DHRS3: variants seen among roughly 807,000 people sequenced by gnomAD.
The protein encoded by DHRS3 is short-chain dehydrogenase/reductase 3.
DHRS3 carries 14 observed loss-of-function variants against 27.2 expected under a neutral mutation model. The observed-to-expected ratio is 0.52, with a 90% CI of 0.34 to 0.81. The LOEUF (loss-of-function observed/expected upper bound fraction) is 0.81. Among genes scored for constraint, DHRS3 ranks in the 30% least tolerant of loss-of-function variants. The pLI, the probability that DHRS3 is intolerant of heterozygous loss-of-function variation, is 0.01. For missense variants in DHRS3, 322 were observed against 406.2 expected (o/e 0.79, Z 1.78); for synonymous variants, 165 against 175.9 (o/e 0.94, Z 0.49).
chr1:12,597,975 G>A (rs973927566), intron 1 of DHRS3, among the ~76,000 whole-genome samples: 7 of 152,188 alleles, frequency 4.6e-5, no homozygotes, highest in African/African-American at 1.7e-4. Flanking sequence ...GTGGGACCTC[G>A]TGCCAAGTCA....
rs533142642 is a variant in DHRS3, at chr1:12,570,245, C to T, written c.825-1821G>A. ...CTGGGCTCACCTTCAGGCTTCTCCTCGTACAACCGGAGTTCCGACGCTTCC... is the reference window on the plus strand; with the variant it reads ...CTGGGCTCACCTTCAGGCTTCTCCTTGTACAACCGGAGTTCCGACGCTTCC... On this transcript the variant is annotated intron_variant, in intron 5 of 5. Transcript: ENST00000616661. Among the ~76,000 whole-genome samples the T allele has an allele frequency of 3.9e-5, 6 of 152,298 alleles. No individual in the cohort carries two copies. In the South Asian group the frequency reaches 8.3e-4, roughly 21 times the overall value.
chr1:12,577,643 A>G (rs1262009694), intron 4 of DHRS3, among the ~76,000 whole-genome samples: 1 of 152,088 alleles, frequency 6.6e-6, no homozygotes, highest in Non-Finnish European at 1.5e-5. Flanking sequence ...TGGCCGACAT[A>G]GTGAAACCCC....
rs1646765465 is a variant in DHRS3 at position 12,593,741 on chromosome 1, C to T, written c.196-13075G>A. ...CAAGAGCCAGTACGTGACAACTGGG[C>T]AGTCTCCACCTCATCCCTGGGTGTG... On this transcript the variant is annotated intron_variant, in intron 1 of 5. Coordinates refer to ENST00000616661, the MANE Select transcript of DHRS3 (RefSeq NM_004753.7). This position sits in a 1 kb window ranked among gnomAD's most constrained non-coding sequence, Gnocchi z 4.6. Among the ~76,000 whole-genome samples, 1 of 152,336 alleles carries T rather than the reference C, an allele frequency of 6.6e-6. No homozygotes were observed. Among genetic ancestry groups the T allele is most frequent in the Non-Finnish European group, 1.5e-5 (1 of 68,024 alleles).
At chr1:12,580,764 G>T in intron 1 of DHRS3, 98 bp from the exon 2 acceptor site, 3 of 1,369,316 alleles carry the variant, frequency 2.2e-6, no homozygotes, top group Non-Finnish European at 3.0e-6. Flanking sequence ...CATTTGTCTT[G>T]AAATGACTGG....
rs909143852 is a variant in DHRS3 at position 12,603,513 on chromosome 1, ACGTGGC to A, written c.195+13635_195+13640del. 1.8e-4 allele frequency among the ~76,000 whole-genome samples: 27 copies of A among 152,300 alleles called. 1 individual carries two copies. In the East Asian group the frequency reaches 1.9e-3, roughly 11 times the overall value. ...CAGAACCCTCCCTGCTCCATCTCCC[ACGTGGC>A]CCTACCTTCTTGGGGCCTCTAGGGT... On this transcript the variant is annotated intron_variant, in intron 1 of 5. Transcript: ENST00000616661.
In DHRS3 at chr1:12,568,263, G is replaced by A; in HGVS notation, c.*77C>T. 1 of 1,343,228 alleles carries A rather than the reference G, an allele frequency of 7.4e-7. No individual in the cohort carries two copies. 83.2% of individuals were successfully genotyped at this position (1,343,228 alleles called of 1,614,324 possible). On this transcript the variant is annotated 3_prime_UTR_variant, in exon 6 of 6. Coordinates refer to ENST00000616661, the MANE Select transcript of DHRS3 (RefSeq NM_004753.7). ...CTCACCCAGCAGAAGCATGCCAATG[G>A]ACAGGTGCTCGGGTGTGTGCCCAGG... is the stretch of plus-strand genomic sequence containing the variant.
chr1:12,578,879 C>T lies in DHRS3; in HGVS notation c.537G>A (p.Leu179=). The change falls in exon 4 of 6, where the codon CTG becomes CTA. Residue 179 remains leucine, a synonymous_variant. Coordinates refer to ENST00000616661, the MANE Select transcript of DHRS3 (RefSeq NM_004753.7). This position sits in a 1 kb window ranked among gnomAD's most constrained non-coding sequence, Gnocchi z 4.5. ...HIVCLNSVLA[L]SAIPGAIDYC... ...AGTCGATGGCACCGGGGATGGCAGA[C>T]AGTGCCAGCACGGAGTTGAGGCACA... is the stretch of plus-strand genomic sequence containing the variant. The T allele has an allele frequency of 1.2e-6, 2 of 1,613,954 alleles. No homozygotes were observed. Among genetic ancestry groups the T allele is most frequent in the Non-Finnish European group, 1.7e-6 (2 of 1,180,026 alleles).
rs1646645475 is a variant in DHRS3 at position 12,581,693 on chromosome 1, GAT to G, written c.196-1029_196-1028del. The stretch of plus-strand genomic sequence containing the variant: ...AACGGAGGACGACGCACCTCCCCAC[GAT>G]GTGTCACTGGGGTCAGTGAGGCCTC... On this transcript the variant is annotated intron_variant, in intron 1 of 5. Coordinates refer to ENST00000616661, the MANE Select transcript of DHRS3 (RefSeq NM_004753.7). Among the ~76,000 whole-genome samples the G allele has an allele frequency of 3.9e-5, 6 of 152,280 alleles. No individual in the cohort carries two copies. The South Asian group carries it at 1.2e-3, about 32-fold the overall frequency.
intron 1 of DHRS3, among the ~76,000 whole-genome samples, chr1:12,584,399 G>T (rs1192803662): frequency 6.6e-6 from 1 of 152,074 alleles, no homozygotes; most frequent in Non-Finnish European, 1.5e-5. Flanking sequence ...CCTTTCAAGG[G>T]TCTGTTGAGG....
At chr1:12,617,073 C>G in intron 1 of DHRS3, 81 bp downstream of exon 1, 2 of 1,454,084 alleles carry the variant, frequency 1.4e-6, no homozygotes, top group Admixed American at 4.5e-5. Context: ...AGCTCCCGGG[C>G]GCGGGATCCC....
rs539779061 is a variant in DHRS3, at chr1:12,591,911, C to T, written c.196-11245G>A. Among the ~76,000 whole-genome samples, 4 of 152,344 alleles carry T rather than the reference C, an allele frequency of 2.6e-5. No homozygotes were observed. The East Asian group carries it at 7.7e-4, about 29-fold the overall frequency. Reference sequence around the variant, plus strand: ...ATGAGGGAAAGGTGCGGTCATCATTCGGTCTTGATGACCAAGTGGTTATGA... The same window carrying T: ...ATGAGGGAAAGGTGCGGTCATCATTTGGTCTTGATGACCAAGTGGTTATGA... On this transcript the variant is annotated intron_variant, in intron 1 of 5. Transcript: ENST00000616661. This position sits in a 1 kb window ranked among gnomAD's most constrained non-coding sequence, Gnocchi z 4.1.
intron 1 of DHRS3, chr1:12,616,843 C>T: frequency 9.4e-7 from 1 of 1,060,220 alleles, no homozygotes; most frequent in South Asian, 2.0e-5. Context: ...GAGGGGGGCA[C>T]AACACCTTCC....
intron 5 of DHRS3, 113 bp from the exon 6 acceptor site, chr1:12,568,537 C>T: frequency 4.4e-6 from 4 of 914,202 alleles, no homozygotes; most frequent in African/African-American, 1.6e-5. Context: ...CCTGAAAGTG[C>T]TCCCCACACC....
At chr1:12,572,231 G>A (rs551340586) in intron 5 of DHRS3, among the ~76,000 whole-genome samples, 2 of 152,052 alleles carry the variant, frequency 1.3e-5, no homozygotes, top group Non-Finnish European at 2.9e-5. Flanking sequence ...GCAGTGGCAC[G>A]ATCTCGGCTC....
intron 5 of DHRS3, among the ~76,000 whole-genome samples, chr1:12,570,490 G>A (rs1248651884): frequency 6.6e-6 from 1 of 152,196 alleles, no homozygotes; most frequent in Admixed American, 6.5e-5. Flanking sequence ...GCTTCCTGGG[G>A]GTGGTGGTAT....
chr1:12,593,346 C>T lies in DHRS3; in HGVS notation c.196-12680G>A, dbSNP rs1646761980. Among the ~76,000 whole-genome samples the T allele has an allele frequency of 6.6e-6, 1 of 152,158 alleles. No homozygotes were observed. Among genetic ancestry groups the T allele is most frequent in the South Asian group, 2.1e-4 (1 of 4,830 alleles). ...TATCCCTCTCCTTGTAGGGCACCCT[C>T]TTTTCTTTTTAAAAAATTATTATGA... On this transcript the variant is annotated intron_variant, in intron 1 of 5. Coordinates refer to ENST00000616661, the MANE Select transcript of DHRS3 (RefSeq NM_004753.7). This position sits in a 1 kb window ranked among gnomAD's most constrained non-coding sequence, Gnocchi z 4.6.
intron 1 of DHRS3, among the ~76,000 whole-genome samples, chr1:12,582,447 G>C (rs1004617028): frequency 2.0e-5 from 3 of 152,186 alleles, no homozygotes; most frequent in African/African-American, 7.2e-5. Context: ...GGCTTAACAA[G>C]TGGGTCCCGT....
At chr1:12,581,548 A>G (rs11121943) in intron 1 of DHRS3, among the ~76,000 whole-genome samples, 19,114 of 152,162 alleles carry the variant, frequency 0.13, 2,525 homozygotes, top group African/African-American at 0.33. Flanking sequence ...GGTAACAAAC[A>G]TGGACTCATT....
intron 5 of DHRS3, among the ~76,000 whole-genome samples, chr1:12,571,270 C>A (rs1432001129): frequency 6.6e-6 from 1 of 152,164 alleles, no homozygotes; most frequent in Non-Finnish European, 1.5e-5. Context: ...GGATGCCAGG[C>A]AAATTCTGGA....
Sources: allele counts gnomAD v4.1 joint callset (sites outside exome capture counted in the v4.1 genomes callset), GRCh38; gene constraint gnomAD v4.1.1; non-coding constraint Gnocchi (gnomAD v3.1); transcripts MANE v1.5; gene names NCBI Gene and HGNC (gene_info 2026-07-23, HGNC 2026-07-21).